NEXMIF: variants seen among roughly 807,000 people sequenced by gnomAD.
The protein encoded by NEXMIF is neurite extension and migration factor.
NEXMIF carries 8 observed loss-of-function variants against 62.1 expected under a neutral mutation model. The observed-to-expected ratio is 0.13, with a 90% CI of 0.08 to 0.23. The LOEUF (loss-of-function observed/expected upper bound fraction) is 0.23. NEXMIF is among the 10% of genes least tolerant of loss of function. The pLI, the probability that NEXMIF is intolerant of heterozygous loss-of-function variation, is 1.00. For missense variants in NEXMIF, 976 were observed against 1,113.3 expected (o/e 0.88, Z 1.75); for synonymous variants, 404 against 416.6 (o/e 0.97, Z 0.37).
At chrX:74,913,900 G>A (rs1264135542) in intron 1 of NEXMIF, among the ~76,000 whole-genome samples, 1 of 111,633 alleles carries the variant, frequency 9.0e-6, no homozygotes, top group Non-Finnish European at 1.9e-5. Flanking sequence ...TGCATTAAAA[G>A]AATAAGTAAA....
chrX:74,851,668 C>T (rs1219247170), intron 1 of NEXMIF, among the ~76,000 whole-genome samples: 1 of 111,197 alleles, frequency 9.0e-6, no homozygotes, highest in East Asian at 2.8e-4. Context: ...TAAAGTCTTT[C>T]CCAGACAAGC....
At chrX:74,898,648 G>C (rs180911182) in intron 1 of NEXMIF, among the ~76,000 whole-genome samples, 3 of 111,630 alleles carry the variant, frequency 2.7e-5, no homozygotes, top group Non-Finnish European at 3.8e-5. Context: ...GGGTATGTGG[G>C]AATTTTCTTT....
chrX:74,838,684 G>T (rs1408742711), intron 1 of NEXMIF, among the ~76,000 whole-genome samples: 1 of 111,533 alleles, frequency 9.0e-6, no homozygotes, highest in Non-Finnish European at 1.9e-5. Context: ...TAAATTGTTG[G>T]TTTTTAAGGC....
At chrX:74,837,481 A>G (rs1287782298) in intron 1 of NEXMIF, among the ~76,000 whole-genome samples, 1 of 111,966 alleles carries the variant, frequency 8.9e-6, no homozygotes, top group African/African-American at 3.2e-5. Context: ...AGTAAATATT[A>G]CCTCCTAACA....
At chrX:74,910,763 C>CATAAT (rs1402233167) in intron 1 of NEXMIF, among the ~76,000 whole-genome samples, 1 of 111,110 alleles carries the variant, frequency 9.0e-6, no homozygotes, top group Admixed American at 9.6e-5. Context: ...ATCACGGGGG[C>CATAAT]AGTTTCCCCC....
intron 1 of NEXMIF, among the ~76,000 whole-genome samples, chrX:74,876,699 G>T (rs1314388513): frequency 9.8e-6 from 1 of 101,823 alleles, no homozygotes; most frequent in African/African-American, 3.6e-5. Context: ...TATATATTTA[G>T]GATAGTTAGC....
At chrX:74,914,232 T>C (rs544143803) in intron 1 of NEXMIF, among the ~76,000 whole-genome samples, 1 of 112,306 alleles carries the variant, frequency 8.9e-6, no homozygotes, top group South Asian at 3.7e-4. Flanking sequence ...CTTTGGAAAA[T>C]AGATTTTCAG....
At chrX:74,802,834 T>C (rs186891684) in intron 1 of NEXMIF, among the ~76,000 whole-genome samples, 84 of 110,925 alleles carry the variant, frequency 7.6e-4, no homozygotes, top group African/African-American at 2.5e-3. Flanking sequence ...AAATTTAGAA[T>C]TCTATCAGAT....
chrX:74,818,282 C>T (rs2080382673), intron 1 of NEXMIF, among the ~76,000 whole-genome samples: 1 of 110,998 alleles, frequency 9.0e-6, no homozygotes, highest in South Asian at 3.8e-4. Context: ...GACACATAGA[C>T]CAAGGAATCA....
At chrX:74,918,014 G>A (rs1256212310) in intron 1 of NEXMIF, among the ~76,000 whole-genome samples, 1 of 111,226 alleles carries the variant, frequency 9.0e-6, no homozygotes. Context: ...TCAGAAAAAT[G>A]CTTGTACGGT....
chrX:74,808,270 G>A (rs1324803580), intron 1 of NEXMIF, among the ~76,000 whole-genome samples: 2 of 110,442 alleles, frequency 1.8e-5, no homozygotes, highest in Non-Finnish European at 3.8e-5. Context: ...CAGGTGTGGT[G>A]GCATAAGACT....
chrX:74,887,201 A>G (rs1312305048), intron 1 of NEXMIF, among the ~76,000 whole-genome samples: 1 of 112,118 alleles, frequency 8.9e-6, no homozygotes, highest in Non-Finnish European at 1.9e-5. Context: ...AAAACCCTAG[A>G]AGAAAACCTA....
rs371748529 is a variant in NEXMIF at position 74,789,544 on chromosome X, T to C, written c.-47-43847A>G. On this transcript the variant is annotated intron_variant, in intron 1 of 3. Coordinates refer to ENST00000055682, the MANE Select transcript of NEXMIF (RefSeq NM_001008537.3). ...TTCCAGTTCTAGATCCCTGAGGAATTGCCACACTGACTTCCACAATGGTTG... is the reference window on the plus strand; with the variant it reads ...TTCCAGTTCTAGATCCCTGAGGAATCGCCACACTGACTTCCACAATGGTTG... Among the ~76,000 whole-genome samples, 396 of 111,044 alleles carry C rather than the reference T, an allele frequency of 3.6e-3. 3 individuals are homozygous for C. The highest frequency in any genetic ancestry group is 0.011 in the African/African-American group (328 of 30,500).
At chrX:74,795,353 A>G (rs2147467380) in intron 1 of NEXMIF, among the ~76,000 whole-genome samples, 1 of 112,531 alleles carries the variant, frequency 8.9e-6, no homozygotes, top group Non-Finnish European at 1.9e-5. Context: ...TTTAAAAGGA[A>G]CTACTTACAT....
At chrX:74,747,049 A>C (rs763711889) in intron 1 of NEXMIF, among the ~76,000 whole-genome samples, 1 of 112,031 alleles carries the variant, frequency 8.9e-6, no homozygotes, top group Non-Finnish European at 1.9e-5. Context: ...CAGATTGGAT[A>C]GCTGCCTCTG....
At chrX:74,808,748 T>C (rs1447803869) in intron 1 of NEXMIF, among the ~76,000 whole-genome samples, 1 of 112,118 alleles carries the variant, frequency 8.9e-6, no homozygotes, top group Non-Finnish European at 1.9e-5. Context: ...CTTTAACATA[T>C]ATAGGCTCTA....
chrX:74,908,113 C>T (rs1460305700), intron 1 of NEXMIF, among the ~76,000 whole-genome samples: 1 of 111,502 alleles, frequency 9.0e-6, no homozygotes, highest in Admixed American at 9.5e-5. Context: ...GGGAGTGGGG[C>T]CTAGAGCCAT....
intron 1 of NEXMIF, among the ~76,000 whole-genome samples, chrX:74,910,738 T>A (rs2080786338): frequency 9.0e-6 from 1 of 111,705 alleles, no homozygotes; most frequent in African/African-American, 3.3e-5. Context: ...AGGGACCTTG[T>A]CAGAGATAAT....
chrX:74,879,694 T>C (rs1349027717), intron 1 of NEXMIF, among the ~76,000 whole-genome samples: 4 of 112,025 alleles, frequency 3.6e-5, no homozygotes, highest in African/African-American at 1.3e-4. Context: ...GGTCTTAACA[T>C]TTATAGGCCA....
Sources: gnomAD v4.1 joint callset for allele counts (sites outside exome capture counted in the v4.1 genomes callset) on GRCh38, gnomAD v4.1.1 for gene constraint, MANE v1.5 for transcripts, NCBI Gene and HGNC (gene_info 2026-07-23, HGNC 2026-07-21) for gene names.